The following PI16 variants were observed in gnomAD, a reference collection of about 807,000 sequenced individuals.
PI16 encodes PSP94-binding protein.
Under a neutral mutation model 38.0 loss-of-function variants are expected in PI16, and 35 were observed. That is an observed-to-expected ratio of 0.92 (90% confidence interval 0.70 to 1.22). The LOEUF is 1.22. PI16 is among the 50% of genes most tolerant of loss of function. The pLI, the probability that PI16 is intolerant of heterozygous loss-of-function variation, is 0.00. For synonymous variants in PI16, 275 were observed against 252.9 expected, an observed-to-expected ratio of 1.09 and a Z score of -0.83; for missense variants, 572 against 593.8, an observed-to-expected ratio of 0.96 and a Z score of 0.38.
chr6:36,958,104 T>C (rs1763252495), intron 1 of PI16, among the ~76,000 whole-genome samples: 1 of 152,204 alleles, frequency 6.6e-6, no homozygotes, highest in South Asian at 2.1e-4. Context: ...CCTGAAAGCC[T>C]TGAGTGGGTG....
intron 1 of PI16, among the ~76,000 whole-genome samples, chr6:36,949,718 T>C (rs1333888637): frequency 1.3e-5 from 2 of 152,234 alleles, no homozygotes; most frequent in East Asian, 3.8e-4. Context: ...CAGCTACCCA[T>C]TTATTTGCAT....
At chr6:36,953,814 C>A (rs765954981), upstream of PI16, among the ~76,000 whole-genome samples, 10 of 152,192 alleles carry the variant, frequency 6.6e-5, no homozygotes, top group Non-Finnish European at 1.5e-4. Flanking sequence ...CTCAGAGCTC[C>A]TGGTGCATCA....
At chr6:36,961,678 T>C in intron 3 of PI16, 118 bp downstream of exon 3, 1 of 990,108 alleles carries the variant, frequency 1.0e-6, no homozygotes, top group South Asian at 1.4e-5. Context: ...TCTGGAGCAA[T>C]ACTGTCCAGG....
upstream of PI16, chr6:36,954,575 G>A (rs1763154240): frequency 1.2e-6 from 1 of 824,000 alleles, no homozygotes; most frequent in Non-Finnish European, 1.8e-6. Context: ...GGACTCCAAG[G>A]GGAGTGCACT....
upstream of PI16, among the ~76,000 whole-genome samples, chr6:36,950,215 G>C (rs986123658): frequency 2.6e-5 from 4 of 151,960 alleles, no homozygotes; most frequent in African/African-American, 9.7e-5. The surrounding 1 kb of genome is among the most constrained non-coding windows in gnomAD (Gnocchi z 4.2). Context: ...TCCAGCCCCC[G>C]GCAATCACCA....
chr6:36,959,238 C>T lies in PI16; in HGVS notation c.265C>T (p.Leu89=), dbSNP rs780350604. The change falls in exon 2 of 7, where the codon CTG becomes TTG. Residue 89 remains leucine (L), a synonymous_variant. Transcript: ENST00000373674. ...NKERGRRGEN[L]FAITDEGMDV... ...GGAGCGCGGGCGCCGCGGCGAGAAT[C>T]TGTTCGCCATCACAGACGAGGGCAT... The T allele has an allele frequency of 6.2e-7, 1 of 1,609,314 alleles. No individual in the cohort carries two copies. Among genetic ancestry groups the T allele is most frequent in the Non-Finnish European group, 8.5e-7 (1 of 1,178,442 alleles).
At chr6:36,955,420 G>T (rs748254700) in intron 1 of PI16, among the ~76,000 whole-genome samples, 44 of 152,206 alleles carry the variant, frequency 2.9e-4, no homozygotes, top group Non-Finnish European at 5.6e-4. Context: ...GTAGGAGGCA[G>T]GTGCTAAGGA....
In PI16 at chr6:36,961,446, A is replaced by G. The variant is rs778268254; in HGVS notation, c.394-5A>G. 5.0e-6 allele frequency: 8 copies of G among 1,613,700 alleles called. No individual in the cohort carries two copies. In the Admixed American group the frequency reaches 5.0e-5, roughly 10 times the overall value. On this transcript the variant is annotated splice_polypyrimidine_tract_variant and splice_region_variant and intron_variant, in intron 2 of 6. Coordinates refer to ENST00000373674, the MANE Select transcript of PI16 (RefSeq NM_153370.3). ...GGCTGAGCTGCTAGGTTTGCCCTTCATCAGGTGGTATGGGCCAAGACAGAG... is the reference window on the plus strand; with the variant it reads ...GGCTGAGCTGCTAGGTTTGCCCTTCGTCAGGTGGTATGGGCCAAGACAGAG...
At chr6:36,958,993 C>A (rs1763274818) in intron 1 of PI16, 152 bp from the exon 2 acceptor site, 3 of 680,134 alleles carry the variant, frequency 4.4e-6, no homozygotes, top group Admixed American at 2.9e-5. Context: ...CACAGACGCC[C>A]ACCCAGAGCA....
chr6:36,961,412 C>T (rs1402967926), intron 2 of PI16, 39 bp from the exon 3 acceptor site: 1 of 1,572,440 alleles, frequency 6.4e-7, no homozygotes, highest in African/African-American at 1.4e-5. Flanking sequence ...ACCATGCCAC[C>T]TCGCATGGGG....
In PI16 at chr6:36,961,433, A is replaced by G. The variant is rs139432678; in HGVS notation, c.394-18A>G. The G allele has an allele frequency of 4.4e-4, 701 of 1,609,340 alleles. 6 individuals are homozygous for G. The East Asian group carries it at 0.011, about 24-fold the overall frequency. On this transcript the variant is annotated intron_variant, in intron 2 of 6. Coordinates refer to ENST00000373674, the MANE Select transcript of PI16 (RefSeq NM_153370.3). ...CCACCTCGCATGGGGCTGAGCTGCT[A>G]GGTTTGCCCTTCATCAGGTGGTATG...
chr6:36,954,945 C>T lies in PI16; in HGVS notation c.171+14C>T, dbSNP rs759520797. On this transcript the variant is annotated intron_variant, in intron 1 of 6. Coordinates refer to ENST00000373674, the MANE Select transcript of PI16 (RefSeq NM_153370.3). ...ATGCTGCACATGGTAAGTGTGGCCA[C>T]GGCCCTTGCTGGCTGGGATGGAAGG... The T allele has an allele frequency of 2.5e-5, 41 of 1,610,306 alleles. No individual in the cohort carries two copies. The highest frequency in any genetic ancestry group is 6.7e-5 in the African/African-American group (5 of 74,830).
At chr6:36,950,612 C>T (rs184899882), upstream of PI16, among the ~76,000 whole-genome samples, 1 of 151,590 alleles carries the variant, frequency 6.6e-6, no homozygotes, top group Non-Finnish European at 1.5e-5. The surrounding 1 kb of genome is among the most constrained non-coding windows in gnomAD (Gnocchi z 4.2). Context: ...GGCACGATCT[C>T]GGCTCACCGC....
At chr6:36,953,094 C>T (rs564557601), upstream of PI16, among the ~76,000 whole-genome samples, 13 of 152,122 alleles carry the variant, frequency 8.5e-5, no homozygotes, top group African/African-American at 3.1e-4. Context: ...CCGAGGCGGG[C>T]GGATCACGAG....
intron 1 of PI16, among the ~76,000 whole-genome samples, chr6:36,956,168 A>G (rs1197205865): frequency 6.6e-6 from 1 of 152,200 alleles, no homozygotes; most frequent in Non-Finnish European, 1.5e-5. Flanking sequence ...AGACAGGATG[A>G]CACGTAAGAA....
At chr6:36,952,774 T>C (rs567138754), upstream of PI16, among the ~76,000 whole-genome samples, 5 of 152,348 alleles carry the variant, frequency 3.3e-5, no homozygotes, top group South Asian at 2.1e-4. Context: ...GTTTTGACTA[T>C]TTGGGGTCCT....
chr6:36,955,235 C>T (rs1763172141), intron 1 of PI16, among the ~76,000 whole-genome samples: 1 of 152,270 alleles, frequency 6.6e-6, no homozygotes, highest in Admixed American at 6.5e-5. Flanking sequence ...AGAGCCAGAC[C>T]CAAAGCCCTG....
At chr6:36,959,122 C>G in intron 1 of PI16, 23 bp from the exon 2 acceptor site, 1 of 1,589,054 alleles carries the variant, frequency 6.3e-7, no homozygotes, top group Non-Finnish European at 8.6e-7. Context: ...ATCCTCACCT[C>G]CCTTCTCTCA....
upstream of PI16, among the ~76,000 whole-genome samples, chr6:36,952,663 G>A (rs1763118328): frequency 6.6e-6 from 1 of 152,116 alleles, no homozygotes; most frequent in Non-Finnish European, 1.5e-5. Context: ...CTAAATGTCT[G>A]TCTTTATACT....
Sources: gnomAD v4.1 joint callset for allele counts (sites outside exome capture counted in the v4.1 genomes callset) on GRCh38, gnomAD v4.1.1 for gene constraint, Gnocchi (gnomAD v3.1) non-coding constraint, MANE v1.5 for transcripts, NCBI Gene and HGNC (gene_info 2026-07-23, HGNC 2026-07-21) for gene names.